Variants in NAALADL2 observed in about 807,000 individuals in gnomAD.
NAALADL2 encodes N-acetylated alpha-linked acidic dipeptidase like 2.
NAALADL2 carries 76 observed loss-of-function variants against 87.2 expected under a neutral mutation model. The observed-to-expected ratio is 0.87, with a 90% confidence interval of 0.72 to 1.05. The LOEUF is 1.05. Ranked by LOEUF, NAALADL2 falls within the 50% of genes least tolerant of loss-of-function variation. NAALADL2 has a pLI of 0.00. For synonymous variants in NAALADL2, 354 were observed against 331.0 expected, an observed-to-expected ratio of 1.07 and a Z score of -0.75; for missense variants, 1,089 against 945.8, an observed-to-expected ratio of 1.15 and a Z score of -1.99.
At chr3:175,596,412 A>G (rs1276360718) in intron 10 of NAALADL2, among the ~76,000 whole-genome samples, 1 of 152,000 alleles carries the variant, frequency 6.6e-6, no homozygotes. Flanking sequence ...TTGCAACCAT[A>G]GACTCTCACA....
intron 9 of NAALADL2, among the ~76,000 whole-genome samples, chr3:175,476,308 G>A (rs868074127): frequency 1.3e-5 from 2 of 152,140 alleles, no homozygotes; most frequent in Admixed American, 1.3e-4. Flanking sequence ...TGCTTTAAGT[G>A]TTGTAGGACA....
At chr3:174,753,448 G>T (rs114684885) in intron 3 of NAALADL2, among the ~76,000 whole-genome samples, 1 of 152,250 alleles carries the variant, frequency 6.6e-6, no homozygotes, top group African/African-American at 2.4e-5. Context: ...AGTTTTGAAC[G>T]TCCTTACTCT....
intron 4 of NAALADL2, among the ~76,000 whole-genome samples, chr3:175,267,812 A>T (rs1042114208): frequency 6.6e-5 from 10 of 152,262 alleles, no homozygotes; most frequent in Middle Eastern, 3.4e-3. Context: ...CTGAACAATT[A>T]TATGGGATTT....
intron 9 of NAALADL2, among the ~76,000 whole-genome samples, chr3:175,572,164 A>T (rs2149544384): frequency 6.6e-6 from 1 of 152,180 alleles, no homozygotes; most frequent in East Asian, 1.9e-4. Context: ...TGAAGCCTCC[A>T]TCTTGGTTTG....
At chr3:175,523,173 G>C (rs546893420) in intron 9 of NAALADL2, among the ~76,000 whole-genome samples, 1 of 152,168 alleles carries the variant, frequency 6.6e-6, no homozygotes, top group African/African-American at 2.4e-5. Flanking sequence ...GGGTGATGTT[G>C]CCGCCTGGAA....
rs186214427 is a variant in NAALADL2 at position 174,668,588 on chromosome 3, C to T, written c.-114-69053C>T. On this transcript the variant is annotated intron_variant, in intron 2 of 3. Transcript: ENST00000434257. The stretch of plus-strand genomic sequence containing the variant: ...CCTCCCCTCTCCCCCCACCCCGCAA[C>T]GGGCCCCGGTGTGTGATGTTTCCCT... 6.3e-4 allele frequency among the ~76,000 whole-genome samples: 96 copies of T among 152,164 alleles called. No individual in the cohort carries two copies. The East Asian group carries it at 0.015, about 23-fold the overall frequency.
chr3:175,168,880 T>C (rs1357303002), intron 2 of NAALADL2, among the ~76,000 whole-genome samples: 1 of 151,844 alleles, frequency 6.6e-6, no homozygotes, highest in Non-Finnish European at 1.5e-5. Context: ...GCTATCAACA[T>C]TTAAGGGCTG....
intron 11 of NAALADL2, among the ~76,000 whole-genome samples, chr3:175,670,993 TA>T (rs554253438): frequency 8.0e-5 from 12 of 150,224 alleles, no homozygotes; most frequent in African/African-American, 2.2e-4. Context: ...CCTCAAGTTG[TA>T]AAAAAAAATA....
intron 1 of NAALADL2, among the ~76,000 whole-genome samples, chr3:175,081,718 C>G (rs1009347130): frequency 2.0e-5 from 3 of 152,116 alleles, no homozygotes; most frequent in Admixed American, 6.6e-5. Context: ...TTTAACCTAA[C>G]CATTTCTGAT....
intron 13 of NAALADL2, among the ~76,000 whole-genome samples, chr3:175,779,057 A>T (rs1194912890): frequency 1.3e-5 from 2 of 152,166 alleles, no homozygotes; most frequent in Non-Finnish European, 2.9e-5. Context: ...GGCAAGACAG[A>T]GGGGTGTGGG....
At chr3:175,234,279 T>A in intron 3 of NAALADL2, 75 bp downstream of exon 3, 1 of 1,458,392 alleles carries the variant, frequency 6.9e-7, no homozygotes, top group Non-Finnish European at 9.4e-7. Context: ...TAAATTGAAC[T>A]AACTGTCAAG....
chr3:174,882,075 A>G (rs1193537395), intron 1 of NAALADL2, among the ~76,000 whole-genome samples: 1 of 152,160 alleles, frequency 6.6e-6, no homozygotes, highest in African/African-American at 2.4e-5. Flanking sequence ...AAGTCAGAAA[A>G]GAAACTTCTT....
At chr3:174,930,810 G>C (rs1431114327) in intron 1 of NAALADL2, among the ~76,000 whole-genome samples, 1 of 151,280 alleles carries the variant, frequency 6.6e-6, no homozygotes, top group Non-Finnish European at 1.5e-5. Context: ...TTTTATTAGA[G>C]ACGGGGTTTC....
intron 4 of NAALADL2, among the ~76,000 whole-genome samples, chr3:175,305,724 G>T (rs1401170631): frequency 6.6e-6 from 1 of 152,072 alleles, no homozygotes; most frequent in East Asian, 1.9e-4. Flanking sequence ...GTTTCTCCAT[G>T]TTGGTCAGGC....
At chr3:175,282,680 A>C (rs901095094) in intron 4 of NAALADL2, among the ~76,000 whole-genome samples, 2 of 152,048 alleles carry the variant, frequency 1.3e-5, no homozygotes, top group Admixed American at 6.6e-5. Context: ...AGTTTGAGTA[A>C]TATTTATTAC....
intron 1 of NAALADL2, among the ~76,000 whole-genome samples, chr3:174,532,064 G>T (rs536972366): frequency 6.6e-6 from 1 of 152,302 alleles, no homozygotes; most frequent in African/African-American, 2.4e-5. Flanking sequence ...TGCAAGTACA[G>T]TTTTAGTATA....
intron 1 of NAALADL2, among the ~76,000 whole-genome samples, chr3:174,876,842 T>C (rs1016448085): frequency 6.6e-6 from 1 of 152,086 alleles, no homozygotes; most frequent in African/African-American, 2.4e-5. Flanking sequence ...TACCATAGAT[T>C]AGATGGTTTA....
intron 11 of NAALADL2, among the ~76,000 whole-genome samples, chr3:175,708,114 A>G (rs536345525): frequency 6.6e-6 from 1 of 152,268 alleles, no homozygotes; most frequent in South Asian, 2.1e-4. Flanking sequence ...AGAAGTTCAC[A>G]TGACTGGAAC....
chr3:174,531,162 G>T (rs1029837122), intron 1 of NAALADL2, among the ~76,000 whole-genome samples: 1 of 152,002 alleles, frequency 6.6e-6, no homozygotes, highest in Non-Finnish European at 1.5e-5. Context: ...GTGTTTCTAT[G>T]CATGGTGTAT....
Sources: allele counts gnomAD v4.1 joint callset (sites outside exome capture counted in the v4.1 genomes callset), GRCh38; gene constraint gnomAD v4.1.1; transcripts MANE v1.5; gene names NCBI Gene and HGNC (gene_info 2026-07-23, HGNC 2026-07-21).